ATF7IP: variants seen among roughly 807,000 people sequenced by gnomAD.
The protein encoded by ATF7IP is activating transcription factor 7 interacting protein.
Under a neutral mutation model 106.4 loss-of-function variants are expected in ATF7IP, and 23 were observed. The ratio of observed to expected loss-of-function variants is 0.22; its 90% CI spans 0.16 to 0.31. The LOEUF is 0.31. Among genes scored for constraint, ATF7IP ranks in the 10% least tolerant of loss-of-function variants. The probability of loss-of-function intolerance (pLI) is 1.00; values close to 1 mark genes in which losing one functional copy is unlikely to be tolerated. For missense variants in ATF7IP, 1,334 were observed against 1,524.3 expected (o/e 0.88, Z 2.08); for synonymous variants, 542 against 539.0 (o/e 1.01, Z -0.08).
At chr12:14,450,381 A>G (rs1188501807) in intron 6 of ATF7IP, among the ~76,000 whole-genome samples, 1 of 152,110 alleles carries the variant, frequency 6.6e-6, no homozygotes, top group African/African-American at 2.4e-5. Flanking sequence ...TTTTCCATGA[A>G]AGGGTGTTGA....
At chr12:14,403,994 C>T (rs866774389) in intron 1 of ATF7IP, among the ~76,000 whole-genome samples, 1 of 151,972 alleles carries the variant, frequency 6.6e-6, no homozygotes, top group Non-Finnish European at 1.5e-5. Context: ...ACTCTTTTTT[C>T]CCCCGTCTCA....
intron 1 of ATF7IP, among the ~76,000 whole-genome samples, chr12:14,367,045 T>TC (rs1938331217): frequency 6.6e-6 from 1 of 152,176 alleles, no homozygotes; most frequent in Non-Finnish European, 1.5e-5. Flanking sequence ...TTATATAAGA[T>TC]TTGATATGAT....
intron 6 of ATF7IP, among the ~76,000 whole-genome samples, chr12:14,448,267 CCT>C (rs1264563096): frequency 3.9e-5 from 6 of 152,110 alleles, no homozygotes; most frequent in Admixed American, 1.3e-4. Context: ...CCTAGCTTCC[CCT>C]GAGTGGTGAA....
intron 1 of ATF7IP, among the ~76,000 whole-genome samples, chr12:14,389,630 G>GT (rs1052345404): frequency 1.2e-3 from 188 of 151,814 alleles, no homozygotes; most frequent in South Asian, 2.1e-3. Context: ...TTTGTTTTTT[G>GT]TTTTTTTTGT....
At chr12:14,416,909 A>G (rs1941236712) in intron 1 of ATF7IP, 1 of 985,086 alleles carries the variant, frequency 1.0e-6, no homozygotes, top group African/African-American at 1.7e-5. Context: ...TGGGGAGATT[A>G]TATAAACTAA....
intron 1 of ATF7IP, among the ~76,000 whole-genome samples, chr12:14,377,010 T>G (rs1280135599): frequency 3.9e-5 from 6 of 152,192 alleles, no homozygotes; most frequent in Admixed American, 3.9e-4. Context: ...TTGTTTGTTT[T>G]TTGAGACACT....
chr12:14,424,453 C>T lies in ATF7IP; in HGVS notation c.538C>T (p.Pro180Ser), dbSNP rs201041318. ...ASGDATSGDA[P>S]SGDVSPGDAT... ...TGGTGATGCAACCTCTGGTGATGCC[C>T]CTTCTGGTGATGTGTCCCCTGGTGA... Residue 180 changes from proline to serine, a missense_variant, in exon 2 of 15, where the codon CCT becomes TCT. Transcript: ENST00000261168. The T allele has an allele frequency of 3.1e-6, 5 of 1,610,938 alleles. No homozygotes were observed. The highest frequency in any genetic ancestry group is 4.2e-6 in the Non-Finnish European group (5 of 1,178,988).
chr12:14,456,495 AT>A (rs201098285), intron 6 of ATF7IP, 65 bp from the exon 7 acceptor site: 202 of 1,140,852 alleles, frequency 1.8e-4, no homozygotes, highest in East Asian at 2.7e-4. Flanking sequence ...TACAGGTCTA[AT>A]TTTTTTTTAA....
At chr12:14,460,404 A>C in intron 8 of ATF7IP, 91 bp from the exon 9 acceptor site, 1 of 1,277,736 alleles carries the variant, frequency 7.8e-7, no homozygotes, top group Non-Finnish European at 1.1e-6. Context: ...GCAATGTATT[A>C]CGCAATGTAT....
intron 1 of ATF7IP, among the ~76,000 whole-genome samples, chr12:14,416,008 A>C (rs78175941): frequency 0.05 from 7,579 of 152,206 alleles, 642 homozygotes; most frequent in African/African-American, 0.17. Flanking sequence ...CTTTATACTA[A>C]ATTTGAGCAG....
At chr12:14,443,062 G>A (rs1942788280) in intron 5 of ATF7IP, among the ~76,000 whole-genome samples, 2 of 152,178 alleles carry the variant, frequency 1.3e-5, no homozygotes, top group Admixed American at 6.5e-5. Context: ...GGCTGAGGCA[G>A]GAGAATCGCT....
Position 14,447,153 on chromosome 12 carries a change from G to A in ATF7IP, c.1995+100G>A, listed in dbSNP as rs983558798. On this transcript the variant is annotated intron_variant, in intron 6 of 14. Coordinates refer to ENST00000261168, the MANE Select transcript of ATF7IP (RefSeq NM_018179.5). ...AAACTGTATTACAAATCTGAAATTT[G>A]CTTTCATACTGTGTACTCCTCTATG... The A allele has an allele frequency of 1.2e-5, 11 of 927,258 alleles. No individual in the cohort carries two copies. The African/African-American group carries it at 1.7e-4, about 14-fold the overall frequency. The allele number at this position is 927,258 out of a possible 1,614,324, so 57.4% of individuals were successfully genotyped here.
chr12:14,424,403 A>C lies in ATF7IP; in HGVS notation c.488A>C (p.Glu163Ala). The C allele has an allele frequency of 6.2e-7, 1 of 1,613,788 alleles. No homozygotes were observed. The highest frequency in any genetic ancestry group is 2.2e-5 in the East Asian group (1 of 44,856). Residue 163 changes from glutamate (E) to alanine (A), a missense_variant, in exon 2 of 15, where the codon GAG (glutamate) becomes GCG (alanine). Coordinates refer to ENST00000261168, the MANE Select transcript of ATF7IP (RefSeq NM_018179.5). ...DSTSGDPTSSEPSSSDAASGD... is the reference protein window; with the variant it reads ...DSTSGDPTSSAPSSSDAASGD... The stretch of plus-strand genomic sequence containing the variant: ...ACCTCTGGTGATCCCACCTCTAGCG[A>C]GCCCTCCTCTAGTGATGCTGCCTCT...
At chr12:14,367,767 A>G (rs12228415) in intron 1 of ATF7IP, among the ~76,000 whole-genome samples, 62,191 of 151,900 alleles carry the variant, frequency 0.41, 13,380 homozygotes, top group East Asian at 0.6. Flanking sequence ...TTTTGCTGTC[A>G]TGTTTCTTAC....
intron 6 of ATF7IP, among the ~76,000 whole-genome samples, chr12:14,451,787 A>G (rs921103096): frequency 6.6e-6 from 1 of 152,140 alleles, no homozygotes; most frequent in Non-Finnish European, 1.5e-5. Context: ...CGACCTATCC[A>G]TGAGAATTTT....
At chr12:14,438,335 A>G (rs1942514374) in intron 5 of ATF7IP, 68 bp downstream of exon 5, 1 of 1,328,636 alleles carries the variant, frequency 7.5e-7, no homozygotes, top group Non-Finnish European at 1.0e-6. Flanking sequence ...TCTGAGATAT[A>G]TATTTGAGAT....
Position 14,436,267 on chromosome 12 carries a change from T to C in ATF7IP, c.1791+16T>C. ...ACTTCAAAAGGTATTGTGTCAATTA[T>C]AAGTTATAAACCATATTGAATAAAT... On this transcript the variant is annotated intron_variant, in intron 4 of 14. Transcript: ENST00000261168. 6.2e-7 allele frequency: 1 copy of C among 1,605,690 alleles called. No individual in the cohort carries two copies. The highest frequency in any genetic ancestry group is 8.5e-7 in the Non-Finnish European group (1 of 1,175,028).
intron 1 of ATF7IP, among the ~76,000 whole-genome samples, chr12:14,414,134 T>G (rs1234810029): frequency 6.6e-6 from 1 of 152,216 alleles, no homozygotes; most frequent in South Asian, 2.1e-4. Context: ...CTTTTTGTTA[T>G]GCCAAGCTTT....
chr12:14,400,902 T>G, intron 1 of ATF7IP, among the ~76,000 whole-genome samples: 1 of 152,194 alleles, frequency 6.6e-6, no homozygotes, highest in Non-Finnish European at 1.5e-5. Flanking sequence ...TGAATGCCTT[T>G]TCTTGTATAT....
Sources: allele counts gnomAD v4.1 joint callset (sites outside exome capture counted in the v4.1 genomes callset), GRCh38; gene constraint gnomAD v4.1.1; transcripts MANE v1.5; gene names NCBI Gene and HGNC (gene_info 2026-07-23, HGNC 2026-07-21).